The following POU2F1 variants were observed in gnomAD, a reference collection of about 807,000 sequenced individuals.
The protein encoded by POU2F1 is POU class 2 homeobox 1.
Under a neutral mutation model 84.9 loss-of-function variants are expected in POU2F1, and 16 were observed. The observed-to-expected ratio is 0.19, with a 90% CI of 0.13 to 0.29. POU2F1 has a LOEUF of 0.29. Among genes scored for constraint, POU2F1 ranks in the 10% least tolerant of loss-of-function variants. The probability of loss-of-function intolerance (pLI) is 1.00; values close to 1 mark genes in which losing one functional copy is unlikely to be tolerated. For missense variants in POU2F1, 738 were observed against 942.6 expected (o/e 0.78, Z 2.84); for synonymous variants, 368 against 368.3 (o/e 1.00, Z 0.01).
chr1:167,414,232 T>A, intron 15 of POU2F1: 3 of 683,928 alleles, frequency 4.4e-6, no homozygotes, highest in Non-Finnish European at 5.4e-6. Context: ...TATATAATAA[T>A]TTTTTTTTGC....
rs1017884734 is a variant in POU2F1 at position 167,418,256 on chromosome 1, A to T, written c.*2446A>T. On this transcript the variant is annotated 3_prime_UTR_variant, in exon 16 of 16. Transcript: ENST00000367866. ...TAATCTTTTATGTTGGTAAATTGTG[A>T]TATCCTCTGGGCAGACATTAACTTG... The T allele has an allele frequency of 6.6e-6, 1 of 152,190 alleles. No homozygotes were observed. Among genetic ancestry groups the T allele is most frequent in the Non-Finnish European group, 1.5e-5 (1 of 68,030 alleles). The allele number at this position is 152,190 out of a possible 1,614,324, so 9.4% of individuals were successfully genotyped here.
chr1:167,289,082 A>G (rs1377754471), intron 1 of POU2F1, among the ~76,000 whole-genome samples: 1 of 152,162 alleles, frequency 6.6e-6, no homozygotes, highest in Non-Finnish European at 1.5e-5. Flanking sequence ...CAGGTAGTCT[A>G]TGAGGGGAGT....
intron 12 of POU2F1, 84 bp downstream of exon 12, chr1:167,399,449 A>G (rs1387452966): frequency 2.5e-6 from 3 of 1,197,626 alleles, no homozygotes; most frequent in Non-Finnish European, 2.4e-6. Context: ...TTTATTTCAT[A>G]ATAGTAATTT....
chr1:167,415,563 C>G lies in POU2F1; in HGVS notation c.2054C>G (p.Ala685Gly), dbSNP rs1356071280. The G allele has an allele frequency of 6.2e-7, 1 of 1,614,144 alleles. No homozygotes were observed. The highest frequency in any genetic ancestry group is 1.7e-5 in the Admixed American group (1 of 60,026). The change falls in exon 16 of 16, where the codon GCC (alanine) becomes GGC (glycine). Residue 685 changes from alanine (A) to glycine (G), a missense_variant. By Grantham distance (60) the Ala-to-Gly change is moderately conservative (BLOSUM62 0). Around this residue, in one of 4 missense-constraint regions of POU2F1, gnomAD observed 319 missense variants for 386.0 expected, o/e 0.83. Coordinates refer to ENST00000367866, the MANE Select transcript of POU2F1 (RefSeq NM_002697.4). Reference sequence around the variant, plus strand: ...GATGCAACTGGGAACCTGGTATTTGCCAATGCGGGAGGAGCCCCCAACATC... The same window carrying G: ...GATGCAACTGGGAACCTGGTATTTGGCAATGCGGGAGGAGCCCCCAACATC... ...SLDATGNLVF[A>G]NAGGAPNIVT...
chr1:167,272,828 T>A (rs1652469170), intron 1 of POU2F1, among the ~76,000 whole-genome samples: 1 of 152,146 alleles, frequency 6.6e-6, no homozygotes, highest in South Asian at 2.1e-4. Flanking sequence ...ATCTCTCATG[T>A]CCTTCTCACA....
In POU2F1 at chr1:167,383,624, A is replaced by C; in HGVS notation, c.719-233A>C. 5 of 364,476 alleles carry C rather than the reference A, an allele frequency of 1.4e-5. No homozygotes were observed. The South Asian group carries it at 1.9e-4, about 14-fold the overall frequency. 22.6% of individuals were successfully genotyped at this position (364,476 alleles called of 1,614,324 possible). A position where few individuals can be genotyped will look rare whatever the true frequency, so the allele number is the denominator to read the frequency against. On this transcript the variant is annotated intron_variant, in intron 7 of 15. Coordinates refer to ENST00000367866, the MANE Select transcript of POU2F1 (RefSeq NM_002697.4). ...AAAGGATTGACCTATCACAGAGCTT[A>C]TTCAGATTATGCCAAAGACATATCA...
At position 167,418,870 on chromosome 1, in the gene POU2F1, A is replaced by C. The variant is rs970642207; in HGVS notation, c.*3060A>C. 6.6e-6 allele frequency: 1 copy of C among 152,196 alleles called. No individual in the cohort carries two copies. Among genetic ancestry groups the C allele is most frequent in the Non-Finnish European group, 1.5e-5 (1 of 68,048 alleles). The allele number at this position is 152,196 out of a possible 1,614,324, so 9.4% of individuals were successfully genotyped here. ...TAGACCAGCATAAAAAATCTGTTTA[A>C]AAGAAGAAATAATCTTTAGGAAAAG... On this transcript the variant is annotated 3_prime_UTR_variant, in exon 16 of 16. Coordinates refer to ENST00000367866, the MANE Select transcript of POU2F1 (RefSeq NM_002697.4).
At chr1:167,397,915 T>A in intron 10 of POU2F1, 79 bp from the exon 11 acceptor site, 1 of 1,398,634 alleles carries the variant, frequency 7.1e-7, no homozygotes, top group Non-Finnish European at 9.8e-7. Flanking sequence ...TTTGTCAGTT[T>A]TGTTGTTAAT....
chr1:167,285,869 A>G (rs891954335), intron 1 of POU2F1, among the ~76,000 whole-genome samples: 1 of 152,190 alleles, frequency 6.6e-6, no homozygotes, highest in Non-Finnish European at 1.5e-5. Flanking sequence ...CAGTTGAGCT[A>G]GAACTTGAAG....
At chr1:167,329,032 T>C in intron 1 of POU2F1, 2 of 1,158,020 alleles carry the variant, frequency 1.7e-6, no homozygotes, top group Non-Finnish European at 2.1e-6. Context: ...TCCTAGCTGG[T>C]AGGAGAGACT....
intron 1 of POU2F1, among the ~76,000 whole-genome samples, chr1:167,222,079 C>CG (rs1366803043): frequency 6.6e-6 from 1 of 152,156 alleles, no homozygotes; most frequent in East Asian, 1.9e-4. Context: ...GGTGGCCCTC[C>CG]GGGGCCTCTC....
intron 7 of POU2F1, among the ~76,000 whole-genome samples, chr1:167,378,321 C>T (rs529252730): frequency 8.6e-5 from 13 of 150,606 alleles, no homozygotes; most frequent in African/African-American, 1.7e-4. Context: ...CCGCAACCTC[C>T]GCCTCCCAGG....
intron 2 of POU2F1, among the ~76,000 whole-genome samples, chr1:167,346,027 T>G (rs1658172280): frequency 6.7e-6 from 1 of 150,260 alleles, no homozygotes; most frequent in Non-Finnish European, 1.5e-5. Flanking sequence ...TTAAAAAAAT[T>G]AACTGGGCAT....
intron 5 of POU2F1, among the ~76,000 whole-genome samples, chr1:167,372,281 A>G (rs1268308822): frequency 6.6e-6 from 1 of 152,158 alleles, no homozygotes; most frequent in Non-Finnish European, 1.5e-5. Context: ...TAAAAACCTT[A>G]TTAAACCCCT....
At chr1:167,292,522 C>A (rs1654000712) in intron 1 of POU2F1, among the ~76,000 whole-genome samples, 1 of 149,556 alleles carries the variant, frequency 6.7e-6, no homozygotes. Flanking sequence ...AAGTCCAGGA[C>A]CAGATGGATT....
At chr1:167,295,840 G>C (rs902530513) in intron 1 of POU2F1, among the ~76,000 whole-genome samples, 1 of 152,136 alleles carries the variant, frequency 6.6e-6, no homozygotes, top group African/African-American at 2.4e-5. Context: ...CTTAAGGGTC[G>C]TTGTAAATTT....
At chr1:167,328,387 T>A (rs1351784850) in intron 1 of POU2F1, among the ~76,000 whole-genome samples, 4 of 152,212 alleles carry the variant, frequency 2.6e-5, no homozygotes, top group Non-Finnish European at 5.9e-5. Flanking sequence ...GACGGAAGTG[T>A]GTTAAGAATT....
chr1:167,411,756 T>C (rs1182812055), intron 13 of POU2F1, among the ~76,000 whole-genome samples: 1 of 152,194 alleles, frequency 6.6e-6, no homozygotes, highest in East Asian at 1.9e-4. Context: ...TCATATCTCT[T>C]AAAGTAGGGT....
intron 1 of POU2F1, among the ~76,000 whole-genome samples, chr1:167,253,573 C>T (rs1255166043): frequency 6.6e-6 from 1 of 151,982 alleles, no homozygotes; most frequent in Non-Finnish European, 1.5e-5. Flanking sequence ...CCACAGGTGC[C>T]TGCCACCACG....
Sources: allele counts gnomAD v4.1 joint callset (sites outside exome capture counted in the v4.1 genomes callset), GRCh38; gene constraint gnomAD v4.1.1; regional missense constraint gnomAD v4.1.1; transcripts MANE v1.5; gene names NCBI Gene and HGNC (gene_info 2026-07-23, HGNC 2026-07-21).